ACP4: variants seen among roughly 807,000 people sequenced by gnomAD.
ACP4 encodes testicular acid phosphatase.
ACP4 carries 49 observed loss-of-function variants against 47.3 expected under a neutral mutation model. The observed-to-expected ratio is 1.04, with a 90% CI of 0.82 to 1.32. The LOEUF (loss-of-function observed/expected upper bound fraction) is 1.32, where lower values mean the gene tolerates loss of function less well. ACP4 is among the 40% of genes most tolerant of loss of function. ACP4 has a pLI of 0.00. For synonymous variants in ACP4, 299 were observed against 265.3 expected (o/e 1.13, Z -1.23); for missense variants, 594 against 579.3 (o/e 1.03, Z -0.26).
At position 50,794,461 on chromosome 19, in the gene ACP4, A is replaced by C; in HGVS notation, c.866A>C (p.Asp289Ala). The change falls in exon 9 of 11, where the codon GAC becomes GCC. Residue 289 changes from aspartate (D) to alanine (A), a missense_variant. Asp to Ala is a moderately radical substitution (Grantham distance 126, BLOSUM62 -2). Transcript: ENST00000270593. ...AGCCCTCGGGTCCACCTGCAGCATGACAGCACCCTGCTGGCCCTCCAGGGG... is the reference window on the plus strand; with the variant it reads ...AGCCCTCGGGTCCACCTGCAGCATGCCAGCACCCTGCTGGCCCTCCAGGGG... ...PLKMVMYSAH[D>A]STLLALQGAL... 6.2e-7 allele frequency: 1 copy of C among 1,613,542 alleles called. No individual in the cohort carries two copies. Among genetic ancestry groups the C allele is most frequent in the Non-Finnish European group, 8.5e-7 (1 of 1,179,944 alleles).
rs779726505 is a variant in ACP4, at chr19:50,790,506, C to T, written c.92C>T (p.Pro31Leu). The T allele has an allele frequency of 3.2e-6, 5 of 1,551,400 alleles. No individual in the cohort carries two copies. In the East Asian group the frequency reaches 1.2e-4, roughly 37 times the overall value. ...VLPPRALPEGPLVFVALVFRH... is the reference protein window; with the variant it reads ...VLPPRALPEGLLVFVALVFRH... Reference sequence around the variant, plus strand: ...CCACCCCGGGCCCTGCCAGAAGGACCCCTGGTGTTCGTGGCTCTGGTGAGG... The same window carrying T: ...CCACCCCGGGCCCTGCCAGAAGGACTCCTGGTGTTCGTGGCTCTGGTGAGG... The change falls in exon 1 of 11, where the codon CCC becomes CTC. Residue 31 changes from proline (P) to leucine (L), a missense_variant. By Grantham distance (98) the Pro-to-Leu change is moderately conservative (BLOSUM62 -3). Coordinates refer to ENST00000270593, the MANE Select transcript of ACP4 (RefSeq NM_033068.3).
rs1030113245 is a variant in ACP4, at chr19:50,795,062, G to A, written c.1185G>A (p.Leu395=). 3.1e-6 allele frequency: 5 copies of A among 1,604,728 alleles called. No homozygotes were observed. The stretch of plus-strand genomic sequence containing the variant: ...CTGCAGCTCCAGTGGTGCCCCTGCT[G>A]GCCGGAGCTGTAGCTGTGCTGGTGG... ...AIPPAPVVPL[L]AGAVAVLVAL... The change falls in exon 11 of 11, where the codon CTG becomes CTA. Residue 395 remains leucine (L), a synonymous_variant. Coordinates refer to ENST00000270593, the MANE Select transcript of ACP4 (RefSeq NM_033068.3).
intron 6 of ACP4, chr19:50,793,005 C>T (rs898771113): frequency 6.5e-6 from 1 of 153,566 alleles, no homozygotes; most frequent in Non-Finnish European, 1.4e-5. Flanking sequence ...CTCCAGCTCA[C>T]GGGAATGTTC....
chr19:50,790,438 C>A lies in ACP4; in HGVS notation c.24C>A (p.Gly8=), dbSNP rs372848757. The stretch of plus-strand genomic sequence containing the variant: ...AAATGGCCGGCCTGGGGTTTTGGGG[C>A]CACCCTGCTGGACCTCTCCTGCTGC... The part of the protein sequence containing the change: MAGLGFW[G]HPAGPLLLLL... Residue 8 remains glycine (G), a synonymous_variant, in exon 1 of 11, where the codon GGC becomes GGA. Coordinates refer to ENST00000270593, the MANE Select transcript of ACP4 (RefSeq NM_033068.3). 8.8e-6 allele frequency: 14 copies of A among 1,587,396 alleles called. No homozygotes were observed. In the African/African-American group the frequency reaches 1.9e-4, roughly 21 times the overall value.
chr19:50,794,915 C>T lies in ACP4; in HGVS notation c.1116C>T (p.Pro372=), dbSNP rs751784542. The T allele has an allele frequency of 2.4e-5, 38 of 1,613,396 alleles. No individual in the cohort carries two copies. The highest frequency in any genetic ancestry group is 3.3e-4 in the Middle Eastern group (2 of 6,078). The change falls in exon 10 of 11, where the codon CCC becomes CCT. Residue 372 remains proline (P), a synonymous_variant. Transcript: ENST00000270593. ...AGCTGACTGCCCCGGCCCGGCCTCC[C>T]GCCCATGGGGTCTCCTGCCATGGCC... ...FYQLTAPARP[P]AHGVSCHGPY...
rs554882864 is a variant in ACP4, at chr19:50,790,697, C to T, written c.215C>T (p.Thr72Met). ...CCACGAGGCCTGGGCCAGCTGACCACGGTGAGAAGCGGGTAGGCGGTGAGG... is the reference window on the plus strand; with the variant it reads ...CCACGAGGCCTGGGCCAGCTGACCATGGTGAGAAGCGGGTAGGCGGTGAGG... ...LWPRGLGQLT[T>M]EGVRQQLELG... The change falls in exon 2 of 11, where the codon ACG (threonine) becomes ATG (methionine). Residue 72 changes from threonine to methionine, a missense_variant and splice_region_variant. Thr to Met is a moderately conservative substitution (Grantham distance 81). Transcript: ENST00000270593. 2.4e-5 allele frequency: 29 copies of T among 1,207,348 alleles called. No individual in the cohort carries two copies. The highest frequency in any genetic ancestry group is 9.7e-5 in the African/African-American group (6 of 61,962). The allele number at this position is 1,207,348 out of a possible 1,614,324, so 74.8% of individuals were successfully genotyped here. A position where few individuals can be genotyped will look rare whatever the true frequency, so the allele number is the denominator to read the frequency against.
At chr19:50,791,899 C>G in intron 4 of ACP4, 97 bp downstream of exon 4, 1 of 1,487,680 alleles carries the variant, frequency 6.7e-7, no homozygotes, top group South Asian at 1.3e-5. Context: ...AGAAGCAAGA[C>G]TGTCCTCGAG....
intron 3 of ACP4, 141 bp from the exon 4 acceptor site, chr19:50,791,515 A>T: frequency 4.0e-6 from 5 of 1,264,376 alleles, no homozygotes; most frequent in Non-Finnish European, 5.5e-6. Context: ...CCTTGATCCC[A>T]ACTTCCAACT....
intron 9 of ACP4, 99 bp from the exon 10 acceptor site, chr19:50,794,687 A>G (rs266123): frequency 0.43 from 684,060 of 1,590,002 alleles, 153,086 homozygotes; most frequent in East Asian, 0.78. Flanking sequence ...GCATGGGATG[A>G]TGCTGGGAGG....
intron 6 of ACP4, 105 bp downstream of exon 6, chr19:50,792,442 G>C (rs1331656069): frequency 1.7e-5 from 20 of 1,211,048 alleles, no homozygotes; most frequent in Non-Finnish European, 2.1e-5. Flanking sequence ...AATCCTCTGT[G>C]CCTCAGTTTT....
At chr19:50,792,382 T>A in intron 6 of ACP4, 45 bp downstream of exon 6, 1 of 1,586,608 alleles carries the variant, frequency 6.3e-7, no homozygotes, top group Non-Finnish European at 8.6e-7. Context: ...GACACCTGTT[T>A]CCAATCCCAG....
rs2089544814 is a variant in ACP4 at position 50,794,929 on chromosome 19, C to T, written c.1130C>T (p.Ser377Phe). 6.2e-7 allele frequency: 1 copy of T among 1,613,312 alleles called. No homozygotes were observed. Among genetic ancestry groups the T allele is most frequent in the East Asian group, 2.2e-5 (1 of 44,888 alleles). The change falls in exon 10 of 11, where the codon TCC becomes TTC. Residue 377 changes from serine to phenylalanine, a missense_variant. Ser to Phe is a radical substitution (Grantham distance 155, BLOSUM62 -2). Transcript: ENST00000270593. ...GCCCGGCCTCCCGCCCATGGGGTCT[C>T]CTGCCATGGCCCCTATGAGGCTGCC... ...APARPPAHGV[S>F]CHGPYEAAIP...
intron 6 of ACP4, 121 bp downstream of exon 6, chr19:50,792,458 C>T: frequency 9.9e-7 from 1 of 1,014,572 alleles, no homozygotes; most frequent in Non-Finnish European, 1.4e-6. Flanking sequence ...GTTTTCCCAT[C>T]TGCACAGTGG....
Position 50,792,305 on chromosome 19 carries a change from G to C in ACP4, c.613G>C (p.Ala205Pro). The change falls in exon 6 of 11, where the codon GCA becomes CCA. Residue 205 changes from alanine (A) to proline (P), a missense_variant. Ala to Pro is a conservative substitution (Grantham distance 27). Transcript: ENST00000270593. The part of the protein sequence containing the change: ...LSLVGEPLRR[A>P]WKVLDTLMCQ... ...GCTGGTTGGAGAGCCACTGCGCAGG[G>C]CATGGAAGGTTCTGGACACCCTCAT... 6.2e-7 allele frequency: 1 copy of C among 1,613,462 alleles called. No individual in the cohort carries two copies. Among genetic ancestry groups the C allele is most frequent in the African/African-American group, 1.3e-5 (1 of 75,048 alleles).
In ACP4 at chr19:50,794,866, CCT is replaced by C. The variant is rs777909246; in HGVS notation, c.1068_1069del (p.Cys357SerfsTer26). The C allele has an allele frequency of 6.9e-5, 112 of 1,613,648 alleles. No individual in the cohort carries two copies. The highest frequency in any genetic ancestry group is 8.3e-5 in the Non-Finnish European group (98 of 1,179,922). ...CTCAGCCTCCCCGGGTGCCCGGCCC[CCT>C]GTCCACTAGGCCGCTTCTACCAGCT... On this transcript the variant is annotated frameshift_variant, in exon 10 of 11. Transcript: ENST00000270593. LOFTEE classifies it high-confidence loss of function.
chr19:50,791,520 C>A, intron 3 of ACP4, 136 bp from the exon 4 acceptor site: 1 of 1,310,224 alleles, frequency 7.6e-7, no homozygotes, highest in Non-Finnish European at 1.1e-6. Context: ...ATCCCAACTT[C>A]CAACTTCGAA....
Position 50,792,171 on chromosome 19 carries a change from G to A in ACP4, c.549G>A (p.Thr183=), listed in dbSNP as rs753327498. 1.1e-5 allele frequency: 18 copies of A among 1,610,152 alleles called. No homozygotes were observed. Among genetic ancestry groups the A allele is most frequent in the South Asian group, 4.4e-5 (4 of 90,928 alleles). The part of the protein sequence containing the change: ...AEYQEALEGW[T]GFLSRLENFT... The stretch of plus-strand genomic sequence containing the variant: ...ACCAGGAGGCCCTGGAGGGCTGGAC[G>A]GTGAGCAGGGCGGCGGTGGGGGGCG... Residue 183 remains threonine (T), a splice_region_variant and synonymous_variant, in exon 5 of 11, where the codon ACG becomes ACA. Transcript: ENST00000270593.
chr19:50,792,338 G>A lies in ACP4; in HGVS notation c.645+1G>A, dbSNP rs1212633515. On this transcript the variant is annotated splice_donor_variant, in intron 6 of 10. Coordinates refer to ENST00000270593, the MANE Select transcript of ACP4 (RefSeq NM_033068.3). LOFTEE classifies it high-confidence loss of function. Reference sequence around the variant, plus strand: ...GGTTCTGGACACCCTCATGTGCCAGGTGAGCCCTGCCCCTTCCCAGCCAAG... The same window carrying A: ...GGTTCTGGACACCCTCATGTGCCAGATGAGCCCTGCCCCTTCCCAGCCAAG... 1 of 1,612,868 alleles carries A rather than the reference G, an allele frequency of 6.2e-7. No individual in the cohort carries two copies. The highest frequency in any genetic ancestry group is 1.3e-5 in the African/African-American group (1 of 74,918).
Position 50,794,971 on chromosome 19 carries a change from G to C in ACP4, c.1165+7G>C, listed in dbSNP as rs752868783. ...GAGGCTGCCATCCCCCCAGGTGACA[G>C]TCCTCTGTGTTGGGGTGGGAGTGGA... On this transcript the variant is annotated splice_region_variant and intron_variant, in intron 10 of 10. Coordinates refer to ENST00000270593, the MANE Select transcript of ACP4 (RefSeq NM_033068.3). 7.4e-6 allele frequency: 12 copies of C among 1,613,334 alleles called. No homozygotes were observed. In the East Asian group the frequency reaches 2.5e-4, roughly 33 times the overall value.
Sources: gnomAD v4.1 joint callset for allele counts on GRCh38, gnomAD v4.1.1 for gene constraint, MANE v1.5 for transcripts, NCBI Gene and HGNC (gene_info 2026-07-23, HGNC 2026-07-21) for gene names.